The following MFHAS1 variants were observed in gnomAD, a reference collection of about 807,000 sequenced individuals.
The protein encoded by MFHAS1 is multifunctional ROCO family signaling regulator 1.
MFHAS1 carries 50 observed loss-of-function variants against 70.4 expected under a neutral mutation model. The observed-to-expected ratio is 0.71, with a 90% CI of 0.57 to 0.90. The LOEUF (loss-of-function observed/expected upper bound fraction) is 0.90, where lower values mean the gene tolerates loss of function less well. Among genes scored for constraint, MFHAS1 ranks in the 40% least tolerant of loss-of-function variants. The probability of loss-of-function intolerance (pLI) is 0.00; values close to 1 mark genes in which losing one functional copy is unlikely to be tolerated. For missense variants in MFHAS1, 1,795 were observed against 1,347.6 expected (o/e 1.33, Z -5.20); for synonymous variants, 952 against 620.0 (o/e 1.54, Z -7.96).
chr8:8,864,088 A>AGAT (rs1400816292), intron 1 of MFHAS1, among the ~76,000 whole-genome samples: 2 of 152,146 alleles, frequency 1.3e-5, no homozygotes, highest in African/African-American at 4.8e-5. Flanking sequence ...TTGGTCAGGG[A>AGAT]GATGGATTTG....
At position 8,892,890 on chromosome 8, in the gene MFHAS1, C is replaced by T; in HGVS notation, c.169G>A (p.Val57Met). ...ALESPASPQL[V>M]LPANLGDIEA... is the part of the protein sequence containing the mutation. ...ATGTCCCCGAGGTTGGCCGGCAGCA[C>T]GAGCTGGGGGGAGGCGGGGGACTCG... The change falls in exon 1 of 3, where the codon GTG (valine) becomes ATG (methionine). Residue 57 changes from valine to methionine, a missense_variant. Coordinates refer to ENST00000276282, the MANE Select transcript of MFHAS1 (RefSeq NM_004225.3). This position sits in a 1 kb window ranked among gnomAD's most constrained non-coding sequence, Gnocchi z 4.7. 1 of 1,580,726 alleles carries T rather than the reference C, an allele frequency of 6.3e-7. No individual in the cohort carries two copies. The highest frequency in any genetic ancestry group is 8.6e-7 in the Non-Finnish European group (1 of 1,165,914).
At chr8:8,860,871 A>C (rs1808634075) in intron 1 of MFHAS1, among the ~76,000 whole-genome samples, 1 of 152,214 alleles carries the variant, frequency 6.6e-6, no homozygotes, top group Non-Finnish European at 1.5e-5. Flanking sequence ...TTCTGGGCTC[A>C]TACGCATACA....
intron 1 of MFHAS1, among the ~76,000 whole-genome samples, chr8:8,867,434 A>G (rs1415612252): frequency 6.6e-6 from 1 of 152,206 alleles, no homozygotes; most frequent in African/African-American, 2.4e-5. Context: ...TGTCGCACAG[A>G]AAATTTTTTT....
chr8:8,797,512 AC>A lies in MFHAS1; in HGVS notation c.2999-22del, dbSNP rs762913833. 4 of 1,609,594 alleles carry A rather than the reference AC, an allele frequency of 2.5e-6. No homozygotes were observed. The African/African-American group carries it at 5.3e-5, about 22-fold the overall frequency. On this transcript the variant is annotated intron_variant, in intron 1 of 2. Coordinates refer to ENST00000276282, the MANE Select transcript of MFHAS1 (RefSeq NM_004225.3). ...CTCCCCTGTAGGAGGAGAGAGAAAA[AC>A]GTGTTAGGGAGATGTGCACTAAAAA...
chr8:8,795,400 G>A (rs962616089), intron 2 of MFHAS1, among the ~76,000 whole-genome samples: 18 of 152,248 alleles, frequency 1.2e-4, no homozygotes, highest in Admixed American at 3.3e-4. Flanking sequence ...AAGTAATTGT[G>A]CAATTACTTT....
At chr8:8,826,979 CTTG>C in intron 1 of MFHAS1, among the ~76,000 whole-genome samples, 1 of 152,294 alleles carries the variant, frequency 6.6e-6, no homozygotes. Flanking sequence ...ATGAAGATGT[CTTG>C]TTGTACAAGG....
At chr8:8,799,751 G>A (rs910391220) in intron 1 of MFHAS1, among the ~76,000 whole-genome samples, 63 of 152,308 alleles carry the variant, frequency 4.1e-4, no homozygotes, top group Middle Eastern at 3.4e-3. Context: ...GTGAGACTCC[G>A]TCTCAAAGAG....
chr8:8,801,743 A>C (rs952828508), intron 1 of MFHAS1, among the ~76,000 whole-genome samples: 15 of 152,350 alleles, frequency 9.8e-5, no homozygotes, highest in African/African-American at 3.6e-4. Context: ...GGACTGAAGA[A>C]GACGCAGGGG....
rs1809993253 is a variant in MFHAS1, at chr8:8,890,957, T to A, written c.2102A>T (p.Gln701Leu). 6.2e-7 allele frequency: 1 copy of A among 1,613,980 alleles called. No individual in the cohort carries two copies. Among genetic ancestry groups the A allele is most frequent in the Non-Finnish European group, 8.5e-7 (1 of 1,180,010 alleles). ...LQAGLTEDRL[Q>L]SALSYLHESG... ...CTCATGCAGGTAGGAGAGGGCACTC[T>A]GCAGTCGGTCCTCGGTCAGACCCGC... Residue 701 changes from glutamine (Q) to leucine (L), a missense_variant, in exon 1 of 3, where the codon CAG becomes CTG. Coordinates refer to ENST00000276282, the MANE Select transcript of MFHAS1 (RefSeq NM_004225.3).
At chr8:8,834,260 G>A (rs528004379) in intron 1 of MFHAS1, among the ~76,000 whole-genome samples, 7 of 152,264 alleles carry the variant, frequency 4.6e-5, no homozygotes, top group South Asian at 2.1e-4. Flanking sequence ...TTCCTATCAC[G>A]GAGTGACATC....
intron 1 of MFHAS1, among the ~76,000 whole-genome samples, chr8:8,889,245 AAAACTCG>A (rs1303561910): frequency 4.6e-5 from 7 of 152,202 alleles, no homozygotes; most frequent in Non-Finnish European, 7.3e-5. Context: ...AGACGTCTAT[AAAACTCG>A]AAACTGCCAG....
intron 1 of MFHAS1, among the ~76,000 whole-genome samples, chr8:8,817,263 A>T (rs570338179): frequency 1.1e-4 from 16 of 152,200 alleles, no homozygotes; most frequent in African/African-American, 3.1e-4. Context: ...CTTCTATGAA[A>T]GGAAAAAAAA....
intron 1 of MFHAS1, among the ~76,000 whole-genome samples, chr8:8,881,341 T>A (rs1257907265): frequency 6.6e-6 from 1 of 152,224 alleles, no homozygotes; most frequent in Non-Finnish European, 1.5e-5. Flanking sequence ...GGAACTGTTA[T>A]CCACGCAGCC....
intron 1 of MFHAS1, among the ~76,000 whole-genome samples, chr8:8,810,792 C>G (rs2117282291): frequency 6.6e-6 from 1 of 152,286 alleles, no homozygotes; most frequent in Non-Finnish European, 1.5e-5. Flanking sequence ...GTCAGTGCCC[C>G]TAAACCCCGA....
chr8:8,832,058 G>GCA (rs1432578979), intron 1 of MFHAS1, among the ~76,000 whole-genome samples: 15,414 of 145,660 alleles, frequency 0.11, 842 homozygotes, highest in Middle Eastern at 0.13. Flanking sequence ...ACGCGCGCGC[G>GCA]CGCGCACACA....
At chr8:8,823,747 C>CGAAAT (rs1807051324) in intron 1 of MFHAS1, among the ~76,000 whole-genome samples, 1 of 148,480 alleles carries the variant, frequency 6.7e-6, no homozygotes, top group African/African-American at 2.5e-5. Flanking sequence ...GCATCACCTG[C>CGAAAT]GAAATTTCAA....
intron 1 of MFHAS1, among the ~76,000 whole-genome samples, chr8:8,843,645 G>A (rs1218645725): frequency 1.3e-5 from 2 of 152,074 alleles, no homozygotes; most frequent in African/African-American, 4.8e-5. Flanking sequence ...GGTCTGTTTG[G>A]GAGAGAAAAA....
intron 1 of MFHAS1, among the ~76,000 whole-genome samples, chr8:8,883,089 G>T (rs1244660675): frequency 2.0e-5 from 3 of 152,142 alleles, no homozygotes; most frequent in Admixed American, 2.0e-4. Context: ...GGAGGTGGAG[G>T]TTGCAGTGAG....
At chr8:8,882,808 G>C (rs961640637) in intron 1 of MFHAS1, among the ~76,000 whole-genome samples, 10 of 152,104 alleles carry the variant, frequency 6.6e-5, no homozygotes, top group African/African-American at 2.4e-4. Flanking sequence ...CCAGCCCCCA[G>C]AAGAAGGTAA....
Sources: gnomAD v4.1 joint callset for allele counts (sites outside exome capture counted in the v4.1 genomes callset) on GRCh38, gnomAD v4.1.1 for gene constraint, Gnocchi (gnomAD v3.1) non-coding constraint, MANE v1.5 for transcripts, NCBI Gene and HGNC (gene_info 2026-07-23, HGNC 2026-07-21) for gene names.